NFIC: variants seen among roughly 807,000 people sequenced by gnomAD.
The protein encoded by NFIC is nuclear factor I C, also known as nuclear factor 1 C-type.
Under a neutral mutation model 54.4 loss-of-function variants are expected in NFIC, and 12 were observed. The ratio of observed to expected loss-of-function variants is 0.22; its 90% confidence interval spans 0.14 to 0.36. The LOEUF (loss-of-function observed/expected upper bound fraction) is 0.36, where lower values mean the gene tolerates loss of function less well. NFIC is among the 10% of genes least tolerant of loss of function. The pLI, the probability that NFIC is intolerant of heterozygous loss-of-function variation, is 1.00. For synonymous variants in NFIC, 322 were observed against 319.2 expected, an observed-to-expected ratio of 1.01 and a Z score of -0.09; for missense variants, 575 against 718.2, an observed-to-expected ratio of 0.80 and a Z score of 2.28.
chr19:3,381,984 G>T lies in NFIC; in HGVS notation c.303G>T (p.Ala101=). 1.2e-6 allele frequency: 2 copies of T among 1,613,426 alleles called. No homozygotes were observed. The highest frequency in any genetic ancestry group is 2.2e-5 in the East Asian group (1 of 44,876). The change falls in exon 2 of 11, where the codon GCG becomes GCT. Residue 101 remains alanine (A), a synonymous_variant. Transcript: ENST00000443272. The part of the protein sequence containing the change: ...DFVLSITGKK[A]PGCVLSNPDQ... The stretch of plus-strand genomic sequence containing the variant: ...TGCTGAGCATCACCGGCAAGAAGGC[G>T]CCGGGCTGCGTGCTCTCCAACCCCG...
At chr19:3,434,937 T>A in intron 5 of NFIC, 146 bp from the exon 6 acceptor site, 2 of 1,145,882 alleles carry the variant, frequency 1.7e-6, no homozygotes, top group Non-Finnish European at 2.4e-6. Context: ...GGGAACGGGC[T>A]GAACGCCCGC....
At chr19:3,402,679 G>A (rs889306615) in intron 2 of NFIC, among the ~76,000 whole-genome samples, 1 of 152,234 alleles carries the variant, frequency 6.6e-6, no homozygotes, top group African/African-American at 2.4e-5. Flanking sequence ...GCCAGAGGCT[G>A]CTTGAGGTGA....
intron 2 of NFIC, among the ~76,000 whole-genome samples, chr19:3,401,784 C>T (rs1402942689): frequency 1.3e-5 from 2 of 151,644 alleles, no homozygotes; most frequent in African/African-American, 2.4e-5. Flanking sequence ...TGCAGTGGTG[C>T]GATCTCAGCT....
intron 2 of NFIC, among the ~76,000 whole-genome samples, chr19:3,412,059 T>C (rs12982509): frequency 0.18 from 27,240 of 152,152 alleles, 3,292 homozygotes; most frequent in East Asian, 0.47. Flanking sequence ...TCGTATACAA[T>C]TGGAAAAGAT....
Position 3,366,605 on chromosome 19 carries a change from C to A in NFIC, c.-32C>A, listed in dbSNP as rs781009266. ...CTCAGTAAGTTCAGCGCGCCCGCTC[C>A]GGCCGGCCCTGCGCCTCCCGCCGCG... is the stretch of plus-strand genomic sequence containing the variant. On this transcript the variant is annotated 5_prime_UTR_variant, in exon 1 of 11. Coordinates refer to ENST00000443272, the MANE Select transcript of NFIC (RefSeq NM_001245002.2). The A allele has an allele frequency of 1.4e-6, 2 of 1,459,324 alleles. No individual in the cohort carries two copies. The highest frequency in any genetic ancestry group is 9.2e-7 in the Non-Finnish European group (1 of 1,092,508). The allele number at this position is 1,459,324 out of a possible 1,614,324, so 90.4% of individuals were successfully genotyped here.
intron 6 of NFIC, among the ~76,000 whole-genome samples, chr19:3,436,446 G>A (rs936946953): frequency 6.7e-6 from 1 of 149,318 alleles, no homozygotes; most frequent in Non-Finnish European, 1.5e-5. Context: ...TTCCAGGTGT[G>A]AGCCACCATG....
At chr19:3,402,231 A>T (rs1334947483) in intron 2 of NFIC, among the ~76,000 whole-genome samples, 1 of 152,044 alleles carries the variant, frequency 6.6e-6, no homozygotes, top group Non-Finnish European at 1.5e-5. Flanking sequence ...TTTTTAGTAG[A>T]GATGGGGCTT....
chr19:3,366,225 T>C (rs1599546332), upstream of NFIC, among the ~76,000 whole-genome samples: 1 of 150,970 alleles, frequency 6.6e-6, no homozygotes, highest in Non-Finnish European at 1.5e-5. Flanking sequence ...CCCTGGGGCA[T>C]TGCGTAAATA....
At chr19:3,394,533 C>T (rs1448580514) in intron 2 of NFIC, among the ~76,000 whole-genome samples, 3 of 110,774 alleles carry the variant, frequency 2.7e-5, no homozygotes, top group South Asian at 4.0e-4. Context: ...ACCCCCCACC[C>T]GCTTACACTA....
At chr19:3,423,682 C>T (rs1433527527) in intron 2 of NFIC, among the ~76,000 whole-genome samples, 2 of 152,130 alleles carry the variant, frequency 1.3e-5, no homozygotes, top group East Asian at 1.9e-4. Context: ...TCTGCCTGCG[C>T]GTCTGCCAAG....
rs138091707 is a variant in NFIC at position 3,439,003 on chromosome 19, T to A, written c.958+3796T>A. On this transcript the variant is annotated intron_variant, in intron 6 of 10. Coordinates refer to ENST00000443272, the MANE Select transcript of NFIC (RefSeq NM_001245002.2). ...GAGGAGAATCAGGCTGACAGAGCAG[T>A]GAGGAGCTCGGGCAACTGGCTTCTC... 2.0e-5 allele frequency among the ~76,000 whole-genome samples: 3 copies of A among 152,120 alleles called. No individual in the cohort carries two copies. The South Asian group carries it at 6.2e-4, about 32-fold the overall frequency.
At chr19:3,462,244 T>G (rs1456905631) in intron 10 of NFIC, among the ~76,000 whole-genome samples, 1 of 151,026 alleles carries the variant, frequency 6.6e-6, no homozygotes, top group African/African-American at 2.4e-5. Flanking sequence ...TATCCAGGTG[T>G]GGCGGTGGAC....
At chr19:3,377,015 C>T (rs2081119545) in intron 1 of NFIC, among the ~76,000 whole-genome samples, 1 of 151,212 alleles carries the variant, frequency 6.6e-6, no homozygotes, top group African/African-American at 2.4e-5. Flanking sequence ...CAGGCGTGAG[C>T]CACCACACCA....
chr19:3,430,957 A>G (rs1220661793), intron 3 of NFIC, among the ~76,000 whole-genome samples: 1 of 151,594 alleles, frequency 6.6e-6, no homozygotes, highest in Non-Finnish European at 1.5e-5. Context: ...GAAAAGAAAA[A>G]GAAAGAAAGA....
intron 2 of NFIC, among the ~76,000 whole-genome samples, chr19:3,417,170 C>G (rs1315215978): frequency 6.6e-6 from 1 of 152,048 alleles, no homozygotes; most frequent in South Asian, 2.1e-4. Context: ...CAGGCGTGTG[C>G]CACCACGCCT....
At chr19:3,417,087 A>ACTGG (rs2081870838) in intron 2 of NFIC, among the ~76,000 whole-genome samples, 1 of 149,684 alleles carries the variant, frequency 6.7e-6, no homozygotes, top group Admixed American at 6.6e-5. Context: ...GGGTTTCACC[A>ACTGG]TGTTAGCCAG....
At chr19:3,456,685 G>A (rs1468038502) in intron 10 of NFIC, 50 bp downstream of exon 10, 3 of 1,339,496 alleles carry the variant, frequency 2.2e-6, no homozygotes, top group South Asian at 2.6e-5. Context: ...GGGCAGAGGG[G>A]CCGGCCCGGG....
At chr19:3,433,414 C>A in intron 3 of NFIC, 104 bp from the exon 4 acceptor site, 1 of 1,180,748 alleles carries the variant, frequency 8.5e-7, no homozygotes, top group Non-Finnish European at 1.2e-6. Context: ...ACAGGGGGAA[C>A]GTCCAGGCTC....
At chr19:3,382,399 C>T (rs991262442) in intron 2 of NFIC, among the ~76,000 whole-genome samples, 156 bp downstream of exon 2, 3 of 146,026 alleles carry the variant, frequency 2.1e-5, no homozygotes, top group Admixed American at 6.8e-5. Context: ...CCAATGGGGG[C>T]GACACGGGGC....
Sources: gnomAD v4.1 joint callset for allele counts (sites outside exome capture counted in the v4.1 genomes callset) on GRCh38, gnomAD v4.1.1 for gene constraint, MANE v1.5 for transcripts, NCBI Gene and HGNC (gene_info 2026-07-23, HGNC 2026-07-21) for gene names.